The following DDX60 variants were observed in gnomAD, a reference collection of about 807,000 sequenced individuals.
DDX60 encodes probable ATP-dependent RNA helicase DDX60.
In DDX60, 165 loss-of-function variants were observed where a neutral mutation model predicts 212.8. That is an observed-to-expected ratio of 0.78 (90% confidence interval 0.68 to 0.88). The LOEUF is 0.88. Among genes scored for constraint, DDX60 ranks in the 40% least tolerant of loss-of-function variants. The pLI is 0.00. For synonymous variants in DDX60, 703 were observed against 685.3 expected (o/e 1.03, Z -0.40); for missense variants, 1,905 against 2,003.9 (o/e 0.95, Z 0.94).
intron 30 of DDX60, among the ~76,000 whole-genome samples, chr4:168,243,695 G>A (rs1460798307): frequency 6.6e-6 from 1 of 152,168 alleles, no homozygotes; most frequent in East Asian, 1.9e-4. Context: ...AAGAGAGTGT[G>A]GAGATTCCTC....
At chr4:168,316,894 C>A (rs1160170977) in intron 1 of DDX60, among the ~76,000 whole-genome samples, 1 of 151,638 alleles carries the variant, frequency 6.6e-6, no homozygotes, top group Non-Finnish European at 1.5e-5. Context: ...CCCATCTCTA[C>A]TAAAAATGCA....
At chr4:168,286,105 GAGGAAGGAAGGAAAGA>G (rs1735835299) in intron 10 of DDX60, among the ~76,000 whole-genome samples, 3 of 117,988 alleles carry the variant, frequency 2.5e-5, no homozygotes, top group Non-Finnish European at 3.5e-5. Context: ...GGGAGGGAGG[GAGGAAGGAAGGAAAGA>G]AGGAAGGAAG....
chr4:168,261,108 T>G (rs906044280), intron 24 of DDX60, 119 bp from the exon 25 acceptor site: 6 of 1,078,978 alleles, frequency 5.6e-6, no homozygotes, highest in Admixed American at 2.8e-5. Context: ...TTTAAAATAG[T>G]CCTATGAAAG....
chr4:168,309,150 T>A (rs1352196337), intron 3 of DDX60, among the ~76,000 whole-genome samples: 1 of 152,152 alleles, frequency 6.6e-6, no homozygotes, highest in African/African-American at 2.4e-5. Flanking sequence ...AAGTTAGCAG[T>A]TCCTCTCCAG....
At chr4:168,310,117 G>T (rs1339548983) in intron 3 of DDX60, among the ~76,000 whole-genome samples, 1 of 152,176 alleles carries the variant, frequency 6.6e-6, no homozygotes, top group Non-Finnish European at 1.5e-5. Context: ...GAGGGAGACT[G>T]CTTTTCAAAG....
intron 24 of DDX60, 42 bp downstream of exon 24, chr4:168,261,958 A>T: frequency 6.4e-7 from 1 of 1,564,616 alleles, no homozygotes; most frequent in Non-Finnish European, 8.6e-7. Context: ...ACTCAAGAAA[A>T]CAACAAAAAT....
Position 168,285,392 on chromosome 4 carries a change from C to T in DDX60, c.1445+1G>A. 1 of 1,596,770 alleles carries T rather than the reference C, an allele frequency of 6.3e-7. No homozygotes were observed. The highest frequency in any genetic ancestry group is 8.6e-7 in the Non-Finnish European group (1 of 1,167,778). ...TTGAGGCACAGTTTTTGGCCTTATA[C>T]CTCTTTAGAAAAGGCAAATCTTTCA... On this transcript the variant is annotated splice_donor_variant, in intron 11 of 37. Transcript: ENST00000393743. LOFTEE classifies it high-confidence loss of function.
rs182695650 is a variant in DDX60 at position 168,235,007 on chromosome 4, C to A, written c.4533+1245G>T. ...CAAATCTAAAAGACTGCTAAAGATC[C>A]ACCTTTTTCCTATAGCACTTCCTAA... is the stretch of plus-strand genomic sequence containing the variant. On this transcript the variant is annotated intron_variant, in intron 33 of 37. Transcript: ENST00000393743. Among the ~76,000 whole-genome samples the A allele has an allele frequency of 9.2e-5, 14 of 152,084 alleles. No homozygotes were observed. The East Asian group carries it at 2.3e-3, about 25-fold the overall frequency.
chr4:168,216,920 A>G lies in DDX60; in HGVS notation c.*13T>C. 6.4e-7 allele frequency: 1 copy of G among 1,556,120 alleles called. No individual in the cohort carries two copies. The highest frequency in any genetic ancestry group is 8.8e-7 in the Non-Finnish European group (1 of 1,142,588). ...ATGGAATTATTTTTAAGTGGTTTGC[A>G]TAGACTTTGTTTTTAGACTTTGTTT... On this transcript the variant is annotated 3_prime_UTR_variant, in exon 38 of 38. Transcript: ENST00000393743.
intron 6 of DDX60, among the ~76,000 whole-genome samples, chr4:168,297,378 GAA>G (rs997773887): frequency 1.1e-4 from 6 of 53,886 alleles, no homozygotes; most frequent in South Asian, 5.9e-4. Context: ...AAGAAAGAAA[GAA>G]AGAGAAAGAA....
chr4:168,276,645 T>C (rs1430644392), intron 14 of DDX60, among the ~76,000 whole-genome samples: 1 of 152,226 alleles, frequency 6.6e-6, no homozygotes, highest in East Asian at 1.9e-4. Flanking sequence ...CTCTTCCAAC[T>C]GTCACATTCT....
intron 27 of DDX60, among the ~76,000 whole-genome samples, chr4:168,252,287 G>T (rs1258329714): frequency 6.6e-6 from 1 of 152,220 alleles, no homozygotes; most frequent in African/African-American, 2.4e-5. Context: ...TGACCTAGGA[G>T]ACTCCTCCAT....
At position 168,306,470 on chromosome 4, in the gene DDX60, A is replaced by G. The variant is rs1478222075; in HGVS notation, c.515T>C (p.Val172Ala). The change falls in exon 5 of 38, where the codon GTT (valine) becomes GCT (alanine). Residue 172 changes from valine (V) to alanine (A), a missense_variant. Transcript: ENST00000393743. The stretch of plus-strand genomic sequence containing the variant: ...AGATTCTTGCCCTGAGGAAAGTACA[A>G]CGTTGACCTTCCTTGCCCAAGAATG... ...IIHSWARKVN[V>A]VLSSGQESDV... 6.2e-7 allele frequency: 1 copy of G among 1,614,186 alleles called. No individual in the cohort carries two copies. The highest frequency in any genetic ancestry group is 8.5e-7 in the Non-Finnish European group (1 of 1,180,020).
chr4:168,285,965 A>AGAAC (rs1735823869), intron 10 of DDX60, among the ~76,000 whole-genome samples: 2 of 82,028 alleles, frequency 2.4e-5, no homozygotes, highest in African/African-American at 1.6e-4. Flanking sequence ...GGGAAAGGAA[A>AGAAC]GAATGAAAGA....
rs1340755835 is a variant in DDX60, at chr4:168,273,831, G to A, written c.2454+103C>T. Reference sequence around the variant, plus strand: ...CAGACACTGAAACAAGAAAATGCAGGTTAAAAAATAAAGTGAACTAGATCT... The same window carrying A: ...CAGACACTGAAACAAGAAAATGCAGATTAAAAAATAAAGTGAACTAGATCT... On this transcript the variant is annotated intron_variant, in intron 17 of 37. Transcript: ENST00000393743. 5.8e-6 allele frequency: 8 copies of A among 1,373,004 alleles called. No homozygotes were observed. In the East Asian group the frequency reaches 1.6e-4, roughly 28 times the overall value. 85.1% of individuals were successfully genotyped at this position (1,373,004 alleles called of 1,614,324 possible).
chr4:168,300,851 C>T (rs115117361), intron 6 of DDX60, among the ~76,000 whole-genome samples: 1,758 of 152,122 alleles, frequency 0.012, 31 homozygotes, highest in African/African-American at 0.04. Context: ...AAGAACTGCA[C>T]ATAAATCTTA....
intron 37 of DDX60, among the ~76,000 whole-genome samples, chr4:168,219,418 A>G (rs1219038681): frequency 1.3e-5 from 2 of 152,130 alleles, no homozygotes; most frequent in East Asian, 3.9e-4. Flanking sequence ...TCCTTGCCCA[A>G]GTTTTTGAGA....
intron 4 of DDX60, 125 bp downstream of exon 4, chr4:168,307,881 C>A: frequency 2.1e-6 from 1 of 466,058 alleles, no homozygotes; most frequent in East Asian, 4.4e-5. Context: ...CTCTTCTTTC[C>A]TTTCAATTTT....
chr4:168,250,793 G>A (rs1156350943), intron 28 of DDX60, among the ~76,000 whole-genome samples, 161 bp downstream of exon 28: 1 of 151,694 alleles, frequency 6.6e-6, no homozygotes, highest in Non-Finnish European at 1.5e-5. Context: ...CCAAAGTGCT[G>A]GTATTATAGG....
Sources: gnomAD v4.1 joint callset for allele counts (sites outside exome capture counted in the v4.1 genomes callset) on GRCh38, gnomAD v4.1.1 for gene constraint, MANE v1.5 for transcripts, NCBI Gene and HGNC (gene_info 2026-07-23, HGNC 2026-07-21) for gene names.